MYO9A: variants seen among roughly 807,000 people sequenced by gnomAD.
MYO9A encodes the protein myosin IXA.
MYO9A carries 103 observed loss-of-function variants against 293.3 expected under a neutral mutation model. The observed-to-expected ratio is 0.35, with a 90% CI of 0.30 to 0.41. The LOEUF is 0.41. Ranked by LOEUF, MYO9A falls within the 10% of genes least tolerant of loss-of-function variation. The probability of loss-of-function intolerance (pLI) is 1.00; values close to 1 mark genes in which losing one functional copy is unlikely to be tolerated. For synonymous variants in MYO9A, 1,001 were observed against 1,035.7 expected (o/e 0.97, Z 0.64); for missense variants, 2,685 against 3,033.0 (o/e 0.89, Z 2.69).
At chr15:71,919,666 C>T (rs1178936792) in intron 18 of MYO9A, among the ~76,000 whole-genome samples, 3 of 151,750 alleles carry the variant, frequency 2.0e-5, no homozygotes, top group Non-Finnish European at 4.4e-5. Flanking sequence ...CATGGCGAAA[C>T]CCCATCTCTA....
At chr15:71,935,244 T>C (rs1476365098) in intron 17 of MYO9A, 97 bp downstream of exon 17, 4 of 1,282,756 alleles carry the variant, frequency 3.1e-6, no homozygotes, top group Non-Finnish European at 4.3e-6. Flanking sequence ...AAAATAACAT[T>C]TCACCATCTT....
At chr15:72,030,183 A>G (rs1408040859) in intron 3 of MYO9A, among the ~76,000 whole-genome samples, 1 of 152,220 alleles carries the variant, frequency 6.6e-6, no homozygotes, top group Non-Finnish European at 1.5e-5. Flanking sequence ...CTAAATTACC[A>G]AAACAGGCTC....
At chr15:71,931,403 G>T (rs866801454) in intron 18 of MYO9A, among the ~76,000 whole-genome samples, 2 of 152,292 alleles carry the variant, frequency 1.3e-5, no homozygotes, top group African/African-American at 4.8e-5. Context: ...TTTTTTCTCA[G>T]AGGATTTTGA....
chr15:72,028,218 AAT>A (rs33914430), intron 3 of MYO9A, among the ~76,000 whole-genome samples: 1,861 of 134,234 alleles, frequency 0.014, 50 homozygotes, highest in African/African-American at 0.048. Flanking sequence ...TAAATAAATA[AAT>A]ATATATATAT....
intron 8 of MYO9A, among the ~76,000 whole-genome samples, chr15:72,006,617 A>G (rs2148852031): frequency 6.6e-6 from 1 of 152,332 alleles, no homozygotes; most frequent in South Asian, 2.1e-4. Flanking sequence ...TAGTGGACAT[A>G]TGACTTCTTG....
intron 1 of MYO9A, among the ~76,000 whole-genome samples, chr15:72,112,745 T>C (rs1209062432): frequency 6.6e-6 from 1 of 152,158 alleles, no homozygotes; most frequent in East Asian, 1.9e-4. Context: ...TGTTAAAGGG[T>C]TTCCCATGTA....
intron 1 of MYO9A, among the ~76,000 whole-genome samples, chr15:72,074,136 G>C (rs771850932): frequency 6.6e-6 from 1 of 152,072 alleles, no homozygotes; most frequent in East Asian, 1.9e-4. Context: ...GATTTGACTA[G>C]GTATTAATGT....
chr15:71,939,158 A>T, intron 15 of MYO9A: 1 of 467,718 alleles, frequency 2.1e-6, no homozygotes, highest in Non-Finnish European at 3.8e-6. Context: ...TTGAATCATT[A>T]ACTTCAGAAA....
chr15:71,856,559 G>C (rs1344181433), intron 34 of MYO9A, among the ~76,000 whole-genome samples: 1 of 152,124 alleles, frequency 6.6e-6, no homozygotes, highest in South Asian at 2.1e-4. Flanking sequence ...AAGGTAGGCA[G>C]AGCAAAGTGG....
chr15:72,086,485 ACT>A lies in MYO9A; in HGVS notation c.-72+31193_-72+31194del, dbSNP rs369142313. Among the ~76,000 whole-genome samples the A allele has an allele frequency of 3.7e-3, 558 of 152,166 alleles. 1 individual carries two copies. Among genetic ancestry groups the A allele is most frequent in the African/African-American group, 0.013 (532 of 41,492 alleles). On this transcript the variant is annotated intron_variant, in intron 1 of 41. Transcript: ENST00000356056. ...GCTGAAAGGCTCTGTGCCTGCCAAG[ACT>A]CTGACTGCAATTACAGTACAACCAG...
At position 71,893,742 on chromosome 15, in the gene MYO9A, T is replaced by C. The variant is rs1176306731; in HGVS notation, c.5079A>G (p.Gln1693=). The C allele has an allele frequency of 1.2e-6, 2 of 1,613,840 alleles. No homozygotes were observed. The highest frequency in any genetic ancestry group is 1.3e-5 in the African/African-American group (1 of 74,904). The change falls in exon 26 of 42, where the codon CAA becomes CAG. Residue 1693 remains glutamine (Q), a synonymous_variant. Transcript: ENST00000356056. ...SKEALNSKNP[Q]LHKEDEPAWK... is the part of the protein sequence containing the mutation. ...ATGCTGGTTCATCTTCTTTATGGAGTTGAGGATTTTTACTGTTTAAGGCTT... is the reference window on the plus strand; with the variant it reads ...ATGCTGGTTCATCTTCTTTATGGAGCTGAGGATTTTTACTGTTTAAGGCTT...
chr15:71,926,780 T>A (rs1567280470), intron 18 of MYO9A, among the ~76,000 whole-genome samples: 1 of 152,148 alleles, frequency 6.6e-6, no homozygotes, highest in Non-Finnish European at 1.5e-5. Context: ...GAAAAGGCAG[T>A]GTCACCAGGA....
chr15:72,041,449 CT>C, intron 2 of MYO9A: 2 of 339,148 alleles, frequency 5.9e-6, no homozygotes, highest in South Asian at 2.4e-5. Flanking sequence ...TCTTCTTCTT[CT>C]TTTTTTCCCA....
At chr15:72,104,244 G>A (rs2080491066) in intron 1 of MYO9A, among the ~76,000 whole-genome samples, 1 of 152,144 alleles carries the variant, frequency 6.6e-6, no homozygotes, top group Non-Finnish European at 1.5e-5. Flanking sequence ...CCAACTGTAG[G>A]CTAATGTGTT....
chr15:71,875,343 G>A (rs1162556684), intron 32 of MYO9A, among the ~76,000 whole-genome samples: 3 of 152,028 alleles, frequency 2.0e-5, no homozygotes, highest in African/African-American at 7.2e-5. Context: ...ATACATGTCA[G>A]CATGTCAGCG....
At chr15:71,954,097 T>A (rs1201936256) in intron 14 of MYO9A, among the ~76,000 whole-genome samples, 1 of 152,134 alleles carries the variant, frequency 6.6e-6, no homozygotes, top group East Asian at 1.9e-4. Context: ...GGTTTCACCA[T>A]GTTGAGCAGG....
chr15:71,893,583 G>C, intron 26 of MYO9A, 96 bp downstream of exon 26: 6 of 901,812 alleles, frequency 6.7e-6, no homozygotes, highest in Admixed American at 2.3e-5. Flanking sequence ...GGAGTAAATG[G>C]GTAGATGAGG....
intron 32 of MYO9A, among the ~76,000 whole-genome samples, chr15:71,871,283 G>C (rs2056503763): frequency 6.6e-6 from 1 of 152,114 alleles, no homozygotes; most frequent in African/African-American, 2.4e-5. Context: ...GCTAAGATGA[G>C]AGGACTGCTC....
chr15:72,081,499 A>ACTCT (rs1555421668), intron 1 of MYO9A, among the ~76,000 whole-genome samples: 1 of 151,882 alleles, frequency 6.6e-6, no homozygotes, highest in Admixed American at 6.6e-5. Flanking sequence ...CATTCTGTAG[A>ACTCT]CTGTTTACTC....
Sources: allele counts gnomAD v4.1 joint callset (sites outside exome capture counted in the v4.1 genomes callset), GRCh38; gene constraint gnomAD v4.1.1; transcripts MANE v1.5; gene names NCBI Gene and HGNC (gene_info 2026-07-23, HGNC 2026-07-21).